CDC42SE2: variants seen among roughly 807,000 people sequenced by gnomAD.
CDC42SE2 encodes CDC42 small effector protein 2.
A neutral mutation model predicts 11.5 loss-of-function variants in CDC42SE2; 3 were observed. That is an observed-to-expected ratio of 0.26 (90% CI 0.12 to 0.67). The LOEUF (loss-of-function observed/expected upper bound fraction) is 0.67. Ranked by LOEUF, CDC42SE2 falls within the 30% of genes least tolerant of loss-of-function variation. CDC42SE2 has a pLI of 0.80. For missense variants in CDC42SE2, 82 were observed against 106.8 expected, an observed-to-expected ratio of 0.77 and a Z score of 1.02; for synonymous variants, 33 against 34.8, an observed-to-expected ratio of 0.95 and a Z score of 0.18.
chr5:131,292,267 AT>A (rs1757473456), intron 1 of CDC42SE2, among the ~76,000 whole-genome samples: 5 of 140,582 alleles, frequency 3.6e-5, no homozygotes, highest in African/African-American at 1.4e-4. Context: ...AAAAAAAAAG[AT>A]AATAATAATA....
intron 1 of CDC42SE2, among the ~76,000 whole-genome samples, chr5:131,281,517 A>G (rs1413809728): frequency 6.6e-6 from 1 of 152,244 alleles, no homozygotes; most frequent in Non-Finnish European, 1.5e-5. Flanking sequence ...GTTTAGAATT[A>G]TTCCATACAT....
intron 1 of CDC42SE2, among the ~76,000 whole-genome samples, chr5:131,283,252 G>A (rs1477544488): frequency 6.6e-6 from 1 of 151,940 alleles, no homozygotes; most frequent in Non-Finnish European, 1.5e-5. Context: ...ACATAAGTCA[G>A]TGTTGTACAA....
upstream of CDC42SE2, among the ~76,000 whole-genome samples, chr5:131,245,042 A>C (rs1450915498): frequency 1.3e-5 from 2 of 152,186 alleles, no homozygotes; most frequent in Non-Finnish European, 2.9e-5. Context: ...TATGGGAGCA[A>C]ATCCACAAAC....
At chr5:131,363,547 T>C (rs1020361445) in intron 3 of CDC42SE2, among the ~76,000 whole-genome samples, 3 of 151,722 alleles carry the variant, frequency 2.0e-5, no homozygotes, top group African/African-American at 7.3e-5. Context: ...CAGCTAATTT[T>C]TGTAGTTTCA....
chr5:131,329,529 T>C (rs530239597), intron 2 of CDC42SE2, among the ~76,000 whole-genome samples: 5 of 152,284 alleles, frequency 3.3e-5, no homozygotes, highest in African/African-American at 1.2e-4. Flanking sequence ...AAATCTTTAA[T>C]TGAAGAGTAT....
the CDC42SE2 span, among the ~76,000 whole-genome samples, chr5:131,210,524 A>G: frequency 0.075 from 11,432 of 152,306 alleles, 904 homozygotes; most frequent in African/African-American, 0.2. Context: ...ACTCCTGAAT[A>G]ATAGTTTGGT....
intron 2 of CDC42SE2, among the ~76,000 whole-genome samples, chr5:131,354,328 A>T (rs1206466446): frequency 6.6e-6 from 1 of 152,248 alleles, no homozygotes; most frequent in Non-Finnish European, 1.5e-5. Flanking sequence ...GCTACCACCC[A>T]GGTCAAGAAG....
the CDC42SE2 span, among the ~76,000 whole-genome samples, chr5:131,219,983 A>G: frequency 6.6e-6 from 1 of 152,136 alleles, no homozygotes; most frequent in African/African-American, 2.4e-5. Context: ...CAACTGTAAT[A>G]TAGATATCTT....
chr5:131,274,113 A>T (rs973387151), intron 1 of CDC42SE2, among the ~76,000 whole-genome samples: 2 of 152,114 alleles, frequency 1.3e-5, no homozygotes, highest in Non-Finnish European at 2.9e-5. Flanking sequence ...TTTAGTCTGG[A>T]TCTGTTTCCT....
the CDC42SE2 span, among the ~76,000 whole-genome samples, chr5:131,239,936 G>C: frequency 6.6e-6 from 1 of 152,144 alleles, no homozygotes. Flanking sequence ...CTTTCTTAAG[G>C]AAGTATCAGT....
At chr5:131,368,376 G>A (rs1352463797) in intron 3 of CDC42SE2, among the ~76,000 whole-genome samples, 4 of 151,900 alleles carry the variant, frequency 2.6e-5, no homozygotes, top group Non-Finnish European at 5.9e-5. Flanking sequence ...TCATCCTGGT[G>A]CCAATACACG....
intron 3 of CDC42SE2, among the ~76,000 whole-genome samples, chr5:131,378,864 A>G (rs1750232119): frequency 6.6e-6 from 1 of 152,176 alleles, no homozygotes; most frequent in African/African-American, 2.4e-5. Flanking sequence ...TCACAAAGAT[A>G]TGCTGTTAAA....
chr5:131,379,337 C>T (rs1334430185), intron 3 of CDC42SE2, among the ~76,000 whole-genome samples: 1 of 152,202 alleles, frequency 6.6e-6, no homozygotes, highest in Non-Finnish European at 1.5e-5. Context: ...ATTTGCTTCT[C>T]AGTGACATGT....
At chr5:131,301,354 A>G (rs936721369) in intron 1 of CDC42SE2, among the ~76,000 whole-genome samples, 7 of 152,338 alleles carry the variant, frequency 4.6e-5, no homozygotes, top group Middle Eastern at 3.4e-3. Flanking sequence ...ACACAAAGAA[A>G]TGATAAATGT....
At chr5:131,322,871 CTA>C (rs1213168531) in intron 2 of CDC42SE2, among the ~76,000 whole-genome samples, 1 of 152,110 alleles carries the variant, frequency 6.6e-6, no homozygotes, top group African/African-American at 2.4e-5. Flanking sequence ...AATGTGTTCT[CTA>C]TAGCAGTTGC....
intron 1 of CDC42SE2, among the ~76,000 whole-genome samples, chr5:131,273,367 G>T (rs1757033042): frequency 6.7e-6 from 1 of 150,202 alleles, no homozygotes; most frequent in Non-Finnish European, 1.5e-5. Context: ...TGATGGCCAG[G>T]CTGGTCTCAA....
intron 2 of CDC42SE2, among the ~76,000 whole-genome samples, chr5:131,336,076 C>T (rs1421866148): frequency 6.6e-6 from 1 of 152,132 alleles, no homozygotes; most frequent in South Asian, 2.1e-4. Context: ...ATGATCTTTA[C>T]AATTTGGCAT....
chr5:131,345,712 T>G (rs1358047146), intron 2 of CDC42SE2, among the ~76,000 whole-genome samples: 2 of 152,004 alleles, frequency 1.3e-5, no homozygotes, highest in African/African-American at 4.8e-5. Context: ...TTCACCAAGG[T>G]TGAAATGAAG....
intron 2 of CDC42SE2, among the ~76,000 whole-genome samples, chr5:131,343,566 G>A (rs202194855): frequency 6.6e-6 from 1 of 152,078 alleles, no homozygotes; most frequent in Non-Finnish European, 1.5e-5. Context: ...TACAAAATTA[G>A]CCAGGTGTGG....
Sources: allele counts gnomAD v4.1 joint callset (sites outside exome capture counted in the v4.1 genomes callset), GRCh38; gene constraint gnomAD v4.1.1; transcripts MANE v1.5; gene names NCBI Gene and HGNC (gene_info 2026-07-23, HGNC 2026-07-21).